TOX: variants seen among roughly 807,000 people sequenced by gnomAD.
TOX encodes the protein thymocyte selection-associated high mobility group box protein TOX.
A neutral mutation model predicts 53.7 loss-of-function variants in TOX; 11 were observed. That is an observed-to-expected ratio of 0.20 (90% CI 0.13 to 0.34). The LOEUF (loss-of-function observed/expected upper bound fraction) is 0.34, where lower values mean the gene tolerates loss of function less well. Among genes scored for constraint, TOX ranks in the 10% least tolerant of loss-of-function variants. TOX has a pLI of 1.00. For missense variants in TOX, 570 were observed against 664.6 expected (o/e 0.86, Z 1.56); for synonymous variants, 225 against 245.3 (o/e 0.92, Z 0.77).
chr8:59,013,187 C>T (rs1813942412), intron 1 of TOX, among the ~76,000 whole-genome samples: 1 of 152,154 alleles, frequency 6.6e-6, no homozygotes, highest in South Asian at 2.1e-4. Context: ...TGTTTATCTG[C>T]ATATTACATC....
chr8:58,866,427 G>GCAGCATTA (rs1214788952), intron 3 of TOX, among the ~76,000 whole-genome samples: 1 of 152,156 alleles, frequency 6.6e-6, no homozygotes. Context: ...ATAAAAAATA[G>GCAGCATTA]CAGCATTATT....
chr8:58,969,073 C>T (rs752400203), intron 1 of TOX, among the ~76,000 whole-genome samples: 11 of 152,108 alleles, frequency 7.2e-5, no homozygotes, highest in South Asian at 6.2e-4. Flanking sequence ...CAAATTACAT[C>T]GTGACTAAGT....
chr8:59,013,213 T>C (rs1488558927), intron 1 of TOX, among the ~76,000 whole-genome samples: 2 of 152,186 alleles, frequency 1.3e-5, no homozygotes, highest in Admixed American at 6.5e-5. Flanking sequence ...TTCCTGGACA[T>C]TGCTTTCATC....
At chr8:59,089,379 T>C (rs545213968) in intron 1 of TOX, among the ~76,000 whole-genome samples, 10 of 152,314 alleles carry the variant, frequency 6.6e-5, no homozygotes, top group South Asian at 2.1e-4. Flanking sequence ...GAGACCATCA[T>C]AGTGACCTCT....
At chr8:58,832,134 TATATA>T (rs367867884) in intron 5 of TOX, among the ~76,000 whole-genome samples, 30 of 147,126 alleles carry the variant, frequency 2.0e-4, no homozygotes, top group East Asian at 7.8e-4. Context: ...ATATGTAATA[TATATA>T]ATATATGTAA....
intron 1 of TOX, among the ~76,000 whole-genome samples, chr8:59,017,302 A>G (rs1814033645): frequency 6.6e-6 from 1 of 152,210 alleles, no homozygotes; most frequent in Non-Finnish European, 1.5e-5. Context: ...GTCTATGTAA[A>G]TTATGCTTTG....
At chr8:58,999,793 A>G (rs1485141810) in intron 1 of TOX, among the ~76,000 whole-genome samples, 1 of 152,170 alleles carries the variant, frequency 6.6e-6, no homozygotes, top group Admixed American at 6.5e-5. Flanking sequence ...ATTTCTAGAG[A>G]AAATTAGGTT....
chr8:58,912,481 GA>G (rs986791556), intron 3 of TOX, among the ~76,000 whole-genome samples: 1 of 152,134 alleles, frequency 6.6e-6, no homozygotes, highest in South Asian at 2.1e-4. Context: ...TCCATCTGGG[GA>G]AAAAGAGCAG....
At chr8:58,875,258 G>T (rs1460263715) in intron 3 of TOX, among the ~76,000 whole-genome samples, 1 of 152,000 alleles carries the variant, frequency 6.6e-6, no homozygotes, top group African/African-American at 2.4e-5. Context: ...TAAAAGTAGT[G>T]GTTTCTAACA....
intron 3 of TOX, among the ~76,000 whole-genome samples, chr8:58,924,154 T>C (rs576993739): frequency 8.1e-4 from 124 of 152,342 alleles, no homozygotes; most frequent in African/African-American, 2.9e-3. Flanking sequence ...GAATAATGAG[T>C]TGCAGATATT....
intron 2 of TOX, among the ~76,000 whole-genome samples, chr8:58,943,601 C>CT (rs575704112): frequency 4.6e-4 from 64 of 139,946 alleles, no homozygotes; most frequent in African/African-American, 6.4e-4. Context: ...AAGAGGACTA[C>CT]TTTTTTTTTT....
intron 1 of TOX, among the ~76,000 whole-genome samples, chr8:59,100,700 A>AT (rs949227425): frequency 7.2e-4 from 110 of 152,326 alleles, no homozygotes; most frequent in African/African-American, 2.4e-3. Context: ...ACCCATTATG[A>AT]TGAATCGGAA....
At chr8:59,042,291 ATT>A (rs1803602189) in intron 1 of TOX, among the ~76,000 whole-genome samples, 1 of 152,194 alleles carries the variant, frequency 6.6e-6, no homozygotes, top group Non-Finnish European at 1.5e-5. Flanking sequence ...TCACATCTAC[ATT>A]AATATCCTTC....
chr8:59,049,822 T>G (rs1479005059), intron 1 of TOX, among the ~76,000 whole-genome samples: 1 of 152,190 alleles, frequency 6.6e-6, no homozygotes, highest in African/African-American at 2.4e-5. Context: ...CAAAAGAAAG[T>G]GAATCTGTTT....
intron 3 of TOX, among the ~76,000 whole-genome samples, chr8:58,928,134 A>G (rs1812196309): frequency 6.6e-6 from 1 of 152,274 alleles, no homozygotes; most frequent in South Asian, 2.1e-4. Flanking sequence ...CATTCACTAT[A>G]CATACCACCT....
At chr8:59,021,235 T>TA (rs111899400) in intron 1 of TOX, among the ~76,000 whole-genome samples, 4 of 149,462 alleles carry the variant, frequency 2.7e-5, no homozygotes, top group Admixed American at 6.7e-5. Context: ...TTTTTTCTAT[T>TA]AAAAAAAAAT....
chr8:58,963,049 T>C (rs776610496), intron 1 of TOX, among the ~76,000 whole-genome samples: 14 of 152,206 alleles, frequency 9.2e-5, no homozygotes, highest in Non-Finnish European at 2.1e-4. Flanking sequence ...CAGTAAGGAC[T>C]GACTAGAGTA....
At chr8:59,098,574 G>T (rs1427456141) in intron 1 of TOX, among the ~76,000 whole-genome samples, 3 of 152,052 alleles carry the variant, frequency 2.0e-5, no homozygotes, top group African/African-American at 4.8e-5. Flanking sequence ...TTAAAATAGG[G>T]CCTTTCAAGT....
At chr8:58,864,015 A>G (rs1206893457) in intron 3 of TOX, among the ~76,000 whole-genome samples, 1 of 152,152 alleles carries the variant, frequency 6.6e-6, no homozygotes, top group African/African-American at 2.4e-5. Flanking sequence ...CATGAGTAGA[A>G]TTTAACTCCG....
Sources: gnomAD v4.1 joint callset for allele counts (sites outside exome capture counted in the v4.1 genomes callset) on GRCh38, gnomAD v4.1.1 for gene constraint, MANE v1.5 for transcripts, NCBI Gene and HGNC (gene_info 2026-07-23, HGNC 2026-07-21) for gene names.